The following N4BP2 variants were observed in gnomAD, a reference collection of about 807,000 sequenced individuals.
N4BP2 encodes NEDD4-binding protein 2.
Under a neutral mutation model 152.8 loss-of-function variants are expected in N4BP2, and 91 were observed. The ratio of observed to expected loss-of-function variants is 0.60; its 90% CI spans 0.50 to 0.71. The LOEUF is 0.71. Among genes scored for constraint, N4BP2 ranks in the 30% least tolerant of loss-of-function variants. The pLI, the probability that N4BP2 is intolerant of heterozygous loss-of-function variation, is 0.00. For missense variants in N4BP2, 1,923 were observed against 2,059.1 expected (o/e 0.93, Z 1.28); for synonymous variants, 646 against 705.3 (o/e 0.92, Z 1.33).
the N4BP2 span, among the ~76,000 whole-genome samples, chr4:40,174,583 A>T: frequency 5.3e-5 from 8 of 152,020 alleles, no homozygotes; most frequent in Admixed American, 2.6e-4. Context: ...TGGGTGGATC[A>T]TTTGAGGTCA....
chr4:40,180,653 T>A, the N4BP2 span, among the ~76,000 whole-genome samples: 2 of 152,212 alleles, frequency 1.3e-5, no homozygotes. Flanking sequence ...TATAGCACTG[T>A]TGGTAATAGC....
At chr4:40,080,806 T>C (rs886604308) in intron 2 of N4BP2, among the ~76,000 whole-genome samples, 2 of 147,060 alleles carry the variant, frequency 1.4e-5, no homozygotes, top group Admixed American at 7.1e-5. Flanking sequence ...TACAGGCGCC[T>C]GCCACCACGC....
intron 1 of N4BP2, among the ~76,000 whole-genome samples, chr4:40,072,509 G>C (rs954680050): frequency 6.6e-6 from 1 of 151,622 alleles, no homozygotes; most frequent in African/African-American, 2.4e-5. Flanking sequence ...CTCCCAACGT[G>C]CTGGGATTAC....
At chr4:40,175,646 A>G in the N4BP2 span, among the ~76,000 whole-genome samples, 2 of 151,748 alleles carry the variant, frequency 1.3e-5, no homozygotes, top group African/African-American at 4.8e-5. Context: ...GTTTCTACCA[A>G]AAAATACAAA....
chr4:40,119,999 C>G lies in N4BP2; in HGVS notation c.1888C>G (p.Leu630Val). ...TATTTTATCTTTATCTTTGAAGCAT[C>G]TAGAGTTCACTGAAGAGAAGAATCT... Reference protein sequence around the residue: ...ENILSLSLKHLEFTEEKNLDV... With the variant: ...ENILSLSLKHVEFTEEKNLDV... Residue 630 changes from leucine to valine, a missense_variant, in exon 9 of 18, where the codon CTA becomes GTA. By Grantham distance (32) the Leu-to-Val change is conservative. Transcript: ENST00000261435. The G allele has an allele frequency of 6.4e-7, 1 of 1,563,934 alleles. No individual in the cohort carries two copies. The highest frequency in any genetic ancestry group is 8.8e-7 in the Non-Finnish European group (1 of 1,142,742).
At chr4:40,145,921 G>C (rs147925491) in intron 16 of N4BP2, among the ~76,000 whole-genome samples, 1 of 152,024 alleles carries the variant, frequency 6.6e-6, no homozygotes, top group South Asian at 2.1e-4. Flanking sequence ...CCAGCACTTC[G>C]GAGGCCGAGG....
At chr4:40,141,350 G>A (rs1360066003) in intron 14 of N4BP2, among the ~76,000 whole-genome samples, 1 of 151,804 alleles carries the variant, frequency 6.6e-6, no homozygotes, top group Non-Finnish European at 1.5e-5. Context: ...TCCGGGCGGA[G>A]GGTCTCCTCA....
chr4:40,188,226 C>T, the N4BP2 span, among the ~76,000 whole-genome samples: 1 of 152,066 alleles, frequency 6.6e-6, no homozygotes, highest in Non-Finnish European at 1.5e-5. Context: ...GTAGCCACAG[C>T]CTGAAGTCAA....
the N4BP2 span, among the ~76,000 whole-genome samples, chr4:40,169,762 C>A: frequency 6.6e-6 from 1 of 150,534 alleles, no homozygotes; most frequent in Non-Finnish European, 1.5e-5. Flanking sequence ...GTCAGGTGTT[C>A]GAGACCAGCG....
intron 14 of N4BP2, among the ~76,000 whole-genome samples, chr4:40,141,632 G>A (rs1354034547): frequency 2.0e-5 from 3 of 146,468 alleles, no homozygotes; most frequent in African/African-American, 5.1e-5. Context: ...GGCTCCTCAC[G>A]TCCCAGATGA....
chr4:40,189,657 G>A, the N4BP2 span, among the ~76,000 whole-genome samples: 1 of 152,248 alleles, frequency 6.6e-6, no homozygotes, highest in South Asian at 2.1e-4. This position sits in a 1 kb window ranked among gnomAD's most constrained non-coding sequence, Gnocchi z 4.3. Flanking sequence ...GGGAGGCTGA[G>A]GGGGGCAGAT....
intron 2 of N4BP2, among the ~76,000 whole-genome samples, chr4:40,083,296 CAT>C (rs149476119): frequency 3.9e-5 from 6 of 152,126 alleles, no homozygotes; most frequent in Non-Finnish European, 5.9e-5. Context: ...AAAGGTTAAA[CAT>C]AGAGTTACCG....
In N4BP2 at chr4:40,102,990, CT is replaced by C; in HGVS notation, c.1146del (p.Val383LeufsTer2). Reference protein sequence around the residue: ...LFQGNHGFVAPVVTTAAHWRS... With the variant: ...LFQGNHGFVAXVVTTAAHWRS... ...CAAGGAAACCATGGCTTTGTAGCTCCTGTTGTAACCACAGCTGCACACTGGA... is the reference window on the plus strand; with the variant it reads ...CAAGGAAACCATGGCTTTGTAGCTCCGTTGTAACCACAGCTGCACACTGGA... On this transcript the variant is annotated frameshift_variant, in exon 4 of 18. Transcript: ENST00000261435. LOFTEE classifies it high-confidence loss of function. 1 of 1,614,192 alleles carries C rather than the reference CT, an allele frequency of 6.2e-7. No homozygotes were observed. Among genetic ancestry groups the C allele is most frequent in the Non-Finnish European group, 8.5e-7 (1 of 1,180,026 alleles).
chr4:40,123,980 A>C (rs1160829697), intron 10 of N4BP2, among the ~76,000 whole-genome samples, 180 bp from the exon 11 acceptor site: 1 of 152,160 alleles, frequency 6.6e-6, no homozygotes, highest in Admixed American at 6.5e-5. Context: ...AAAAATATGT[A>C]GCTGTAGTCA....
chr4:40,056,860 C>G lies in N4BP2; in HGVS notation c.-382C>G, dbSNP rs368093271. 8,066 of 152,076 alleles carry G rather than the reference C, an allele frequency of 0.053. 277 individuals carry two copies. The highest frequency in any genetic ancestry group is 0.067 in the Non-Finnish European group (4,544 of 67,924). The allele number at this position is 152,076 out of a possible 1,614,324, so 9.4% of individuals were successfully genotyped here. A position where few individuals can be genotyped will look rare whatever the true frequency, so the allele number is the denominator to read the frequency against. ...CGGACGGAGAGCGGCAGTGTCTCCCCGCCGGGCGCGCTCGCCGTGTCTCCC... is the reference window on the plus strand; with the variant it reads ...CGGACGGAGAGCGGCAGTGTCTCCCGGCCGGGCGCGCTCGCCGTGTCTCCC... On this transcript the variant is annotated 5_prime_UTR_variant, in exon 1 of 18. Transcript: ENST00000261435.
rs1343117416 is a variant in N4BP2, at chr4:40,155,860, A to G, written c.*1623A>G. The G allele has an allele frequency of 1.3e-5, 2 of 152,196 alleles. No individual in the cohort carries two copies. Among genetic ancestry groups the G allele is most frequent in the Non-Finnish European group, 2.9e-5 (2 of 68,008 alleles). The allele number at this position is 152,196 out of a possible 1,614,324, so 9.4% of individuals were successfully genotyped here. A position where few individuals can be genotyped will look rare whatever the true frequency, so the allele number is the denominator to read the frequency against. ...TATCATGATTGCATGCTTTTAAAAT[A>G]AGGAGGCTTATCATTGAATTTTAGT... On this transcript the variant is annotated 3_prime_UTR_variant, in exon 18 of 18. Transcript: ENST00000261435.
chr4:40,121,675 T>C lies in N4BP2; in HGVS notation c.3564T>C (p.Ala1188=), dbSNP rs764012483. ...EFSHGIGISN[A]DSQSTCDAER... Reference sequence around the variant, plus strand: ...GCCATGGGATTGGTATTAGTAACGCTGACTCACAGTCTACTTGTGATGCAG... The same window carrying C: ...GCCATGGGATTGGTATTAGTAACGCCGACTCACAGTCTACTTGTGATGCAG... The change falls in exon 9 of 18, where the codon GCT becomes GCC. Residue 1188 remains alanine, a synonymous_variant. Transcript: ENST00000261435. 3 of 1,614,136 alleles carry C rather than the reference T, an allele frequency of 1.9e-6. No homozygotes were observed. Among genetic ancestry groups the C allele is most frequent in the Non-Finnish European group, 2.5e-6 (3 of 1,180,014 alleles).
In N4BP2 at chr4:40,157,805, G is replaced by A. The variant is rs1185477087; in HGVS notation, c.*3568G>A. 3 of 152,114 alleles carry A rather than the reference G, an allele frequency of 2.0e-5. No homozygotes were observed. The highest frequency in any genetic ancestry group is 4.4e-5 in the Non-Finnish European group (3 of 68,008). 9.4% of individuals were successfully genotyped at this position (152,114 alleles called of 1,614,324 possible). A position where few individuals can be genotyped will look rare whatever the true frequency, so the allele number is the denominator to read the frequency against. ...AGTTTATGTAGAATGTATGTTCATG[G>A]TGCTTATTTTTAAAATGTAATTCAA... On this transcript the variant is annotated 3_prime_UTR_variant, in exon 18 of 18. Transcript: ENST00000261435.
intron 2 of N4BP2, among the ~76,000 whole-genome samples, chr4:40,086,485 G>A (rs992683240): frequency 5.3e-5 from 8 of 151,530 alleles, no homozygotes; most frequent in Non-Finnish European, 1.2e-4. Flanking sequence ...TTACAGGTGT[G>A]CGCCACCATG....
Sources: allele counts gnomAD v4.1 joint callset (sites outside exome capture counted in the v4.1 genomes callset), GRCh38; gene constraint gnomAD v4.1.1; non-coding constraint Gnocchi (gnomAD v3.1); transcripts MANE v1.5; gene names NCBI Gene and HGNC (gene_info 2026-07-23, HGNC 2026-07-21).